ASB15: variants seen among roughly 807,000 people sequenced by gnomAD.
ASB15 encodes the protein ankyrin repeat and SOCS box containing 15.
In ASB15, 54 loss-of-function variants were observed where a neutral mutation model predicts 58.0. The observed-to-expected ratio is 0.93, with a 90% confidence interval of 0.75 to 1.17. The LOEUF (loss-of-function observed/expected upper bound fraction) is 1.17, where lower values mean the gene tolerates loss of function less well. Among genes scored for constraint, ASB15 ranks in the 50% most tolerant of loss-of-function variants. The pLI is 0.00. For missense variants in ASB15, 680 were observed against 707.4 expected (o/e 0.96, Z 0.44); for synonymous variants, 249 against 262.4 (o/e 0.95, Z 0.50).
chr7:123,636,893 T>G lies in ASB15; in HGVS notation c.1679T>G (p.Val560Gly), dbSNP rs147670494. The change falls in exon 12 of 12, where the codon GTG (valine) becomes GGG (glycine). Residue 560 changes from valine (V) to glycine (G), a missense_variant. Transcript: ENST00000451215. ...GLQKLCQPASVEKLPLPPAIQ... is the reference protein window; with the variant it reads ...GLQKLCQPASGEKLPLPPAIQ... ...CAGAAACTCTGCCAGCCAGCCTCAG[T>G]GGAGAAGCTTCCTCTACCACCAGCT... is the stretch of plus-strand genomic sequence containing the variant. 1 of 1,601,780 alleles carries G rather than the reference T, an allele frequency of 6.2e-7. No homozygotes were observed. The highest frequency in any genetic ancestry group is 8.6e-7 in the Non-Finnish European group (1 of 1,169,168).
At chr7:123,616,686 G>A (rs914876910) in intron 6 of ASB15, among the ~76,000 whole-genome samples, 191 bp downstream of exon 6, 1 of 152,022 alleles carries the variant, frequency 6.6e-6, no homozygotes, top group African/African-American at 2.4e-5. Context: ...GACATTGGGG[G>A]TTTACCTTTT....
intron 1 of ASB15, among the ~76,000 whole-genome samples, chr7:123,572,382 G>A (rs1004118046): frequency 1.6e-4 from 24 of 151,192 alleles, no homozygotes; most frequent in African/African-American, 5.3e-4. Flanking sequence ...CTCATGATCC[G>A]CCCGCCTCAG....
chr7:123,625,870 G>A (rs1801737470), intron 8 of ASB15, among the ~76,000 whole-genome samples: 1 of 152,162 alleles, frequency 6.6e-6, no homozygotes, highest in Non-Finnish European at 1.5e-5. Context: ...TTTTTGAGGT[G>A]TCCCAATACA....
chr7:123,584,019 TC>T (rs1327024937), intron 1 of ASB15, among the ~76,000 whole-genome samples: 2 of 151,954 alleles, frequency 1.3e-5, no homozygotes, highest in Admixed American at 1.3e-4. Context: ...CCGGAGTTCA[TC>T]CCTTAAACAT....
At chr7:123,621,827 T>C (rs1801348410) in intron 7 of ASB15, among the ~76,000 whole-genome samples, 1 of 152,176 alleles carries the variant, frequency 6.6e-6, no homozygotes, top group Non-Finnish European at 1.5e-5. Context: ...TTGGACTCCT[T>C]CTCTGCCCAC....
chr7:123,594,789 C>G (rs1182832122), intron 1 of ASB15, among the ~76,000 whole-genome samples: 1 of 152,178 alleles, frequency 6.6e-6, no homozygotes, highest in Non-Finnish European at 1.5e-5. Context: ...TCTCAAATGC[C>G]ATGCTGGGAG....
At chr7:123,612,581 G>A (rs1390713503) in intron 3 of ASB15, among the ~76,000 whole-genome samples, 5 of 152,142 alleles carry the variant, frequency 3.3e-5, no homozygotes, top group African/African-American at 1.2e-4. Context: ...GCGAGCCATG[G>A]ATGGGGATCA....
At chr7:123,590,855 T>C (rs948157517) in intron 1 of ASB15, among the ~76,000 whole-genome samples, 53 of 152,304 alleles carry the variant, frequency 3.5e-4, no homozygotes, top group African/African-American at 1.2e-3. Context: ...GGTAGCTTGA[T>C]GGGGAGGGCA....
At chr7:123,617,234 C>T (rs1800876983) in intron 6 of ASB15, among the ~76,000 whole-genome samples, 1 of 152,032 alleles carries the variant, frequency 6.6e-6, no homozygotes, top group South Asian at 2.1e-4. Context: ...TTCCCACATT[C>T]ACAGATTTCA....
intron 11 of ASB15, among the ~76,000 whole-genome samples, chr7:123,634,514 G>A (rs940260568): frequency 1.1e-4 from 17 of 152,012 alleles, no homozygotes; most frequent in Admixed American, 6.6e-4. Context: ...ATGAATATAC[G>A]TGTGCATGTA....
intron 1 of ASB15, among the ~76,000 whole-genome samples, chr7:123,583,361 G>A (rs989778586): frequency 1.3e-5 from 2 of 151,866 alleles, no homozygotes; most frequent in African/African-American, 2.4e-5. Flanking sequence ...GGGAACTAAC[G>A]GGAAACTGGA....
At chr7:123,630,763 A>G (rs2116660956) in intron 11 of ASB15, among the ~76,000 whole-genome samples, 1 of 152,350 alleles carries the variant, frequency 6.6e-6, no homozygotes, top group Middle Eastern at 3.4e-3. Flanking sequence ...GTTTGGAAAA[A>G]TAAACTTTCA....
rs1801643747 is a variant in ASB15 at position 123,624,622 on chromosome 7, A to G, written c.505A>G (p.Ser169Gly). ...MVSTLIKHNT[S>G]LDQPCVKRWS... is the part of the protein sequence containing the mutation. ...GTCGACTCTGATCAAACATAACACTAGCCTAGACCAGCCCTGTGTCAAGCG... is the reference window on the plus strand; with the variant it reads ...GTCGACTCTGATCAAACATAACACTGGCCTAGACCAGCCCTGTGTCAAGCG... Residue 169 changes from serine (S) to glycine (G), a missense_variant, in exon 8 of 12, where the codon AGC becomes GGC. Ser to Gly is a moderately conservative substitution (Grantham distance 56). Transcript: ENST00000451215. 4 of 1,613,838 alleles carry G rather than the reference A, an allele frequency of 2.5e-6. No homozygotes were observed. The Admixed American group carries it at 6.7e-5, about 27-fold the overall frequency.
chr7:123,607,665 G>C (rs1371606778), intron 2 of ASB15, among the ~76,000 whole-genome samples: 1 of 151,922 alleles, frequency 6.6e-6, no homozygotes, highest in Non-Finnish European at 1.5e-5. Flanking sequence ...TTTTGTATTT[G>C]TTGTAGAGAT....
At chr7:123,619,179 CAAAAAAAAAAAA>C (rs528943780) in intron 7 of ASB15, among the ~76,000 whole-genome samples, 9 of 55,260 alleles carry the variant, frequency 1.6e-4, no homozygotes, top group Non-Finnish European at 2.5e-4. Flanking sequence ...GACGCCGTCT[CAAAAAAAAAAAA>C]AAAAAAAAAA....
At chr7:123,590,715 T>C (rs1799511121) in intron 1 of ASB15, among the ~76,000 whole-genome samples, 1 of 152,204 alleles carries the variant, frequency 6.6e-6, no homozygotes, top group Non-Finnish European at 1.5e-5. Context: ...CATAGTATAG[T>C]TCGATGTCAG....
At chr7:123,611,450 G>A (rs1483845078) in intron 3 of ASB15, among the ~76,000 whole-genome samples, 2 of 147,540 alleles carry the variant, frequency 1.4e-5, no homozygotes, top group African/African-American at 2.6e-5. Context: ...GCCCGCCACC[G>A]TACCTAATTT....
intron 1 of ASB15, among the ~76,000 whole-genome samples, chr7:123,577,239 G>A (rs185259044): frequency 1.8e-3 from 268 of 152,138 alleles, no homozygotes; most frequent in African/African-American, 6.4e-3. Flanking sequence ...TGCAGGATAT[G>A]GCCATGATTT....
At chr7:123,578,434 A>G (rs1799129337) in intron 1 of ASB15, among the ~76,000 whole-genome samples, 1 of 151,370 alleles carries the variant, frequency 6.6e-6, no homozygotes, top group Admixed American at 6.6e-5. Flanking sequence ...CTGTGAACAT[A>G]CCCCTCTTTC....
Sources: gnomAD v4.1 joint callset for allele counts (sites outside exome capture counted in the v4.1 genomes callset) on GRCh38, gnomAD v4.1.1 for gene constraint, MANE v1.5 for transcripts, NCBI Gene and HGNC (gene_info 2026-07-23, HGNC 2026-07-21) for gene names.